IRX2: variants seen among roughly 807,000 people sequenced by gnomAD.
IRX2 encodes iroquois homeobox 2.
Under a neutral mutation model 42.9 loss-of-function variants are expected in IRX2, and 26 were observed. That is an observed-to-expected ratio of 0.61 (90% CI 0.44 to 0.84). The LOEUF (loss-of-function observed/expected upper bound fraction) is 0.84. Ranked by LOEUF, IRX2 falls within the 40% of genes least tolerant of loss-of-function variation. IRX2 has a pLI of 0.00. For missense variants in IRX2, 782 were observed against 713.9 expected (o/e 1.10, Z -1.09); for synonymous variants, 424 against 353.9 (o/e 1.20, Z -2.22).
chr5:2,739,895 C>T, the IRX2 span, among the ~76,000 whole-genome samples: 11 of 152,242 alleles, frequency 7.2e-5, no homozygotes, highest in South Asian at 1.2e-3. Flanking sequence ...GGTCCCGCTG[C>T]GGCTTCAGGC....
chr5:2,744,090 G>C (rs1018378402), downstream of IRX2, among the ~76,000 whole-genome samples: 1 of 150,354 alleles, frequency 6.7e-6, no homozygotes, highest in Non-Finnish European at 1.5e-5. Flanking sequence ...GTGTGTGTGT[G>C]TGTGTGTGTG....
intron 1 of IRX2, among the ~76,000 whole-genome samples, chr5:2,750,897 C>G (rs987204056): frequency 3.3e-5 from 5 of 152,146 alleles, no homozygotes; most frequent in African/African-American, 4.8e-5. Flanking sequence ...CCCAGGCTCT[C>G]AGAGAAAATC....
chr5:2,748,317 C>T, intron 3 of IRX2, 28 bp downstream of exon 3: 14 of 1,379,706 alleles, frequency 1.0e-5, no homozygotes, highest in Admixed American at 3.9e-5. Context: ...CCTCCCCTCC[C>T]GGGCGCCGCC....
In IRX2 at chr5:2,749,673, T is replaced by A; in HGVS notation, c.364A>T (p.Thr122Ser). Reference sequence around the variant, plus strand: ...TTGAGAGTGGCCGTGGCGTCCCGCGTGGCGTTCTTGCGGTACGCGGGGTCG... The same window carrying A: ...TTGAGAGTGGCCGTGGCGTCCCGCGAGGCGTTCTTGCGGTACGCGGGGTCG... ...LNDPAYRKNA[T>S]RDATATLKAW... The change falls in exon 2 of 4, where the codon ACG becomes TCG. Residue 122 changes from threonine to serine, a missense_variant. Physicochemically the swap from Thr to Ser is moderately conservative, Grantham distance 58 (BLOSUM62 1). Coordinates refer to ENST00000302057, the MANE Select transcript of IRX2 (RefSeq NM_033267.5). 6.2e-7 allele frequency: 1 copy of A among 1,614,196 alleles called. No homozygotes were observed. The highest frequency in any genetic ancestry group is 8.5e-7 in the Non-Finnish European group (1 of 1,180,034).
At chr5:2,737,178 C>T in the IRX2 span, 5 of 152,266 alleles carry the variant, frequency 3.3e-5, no homozygotes, top group Non-Finnish European at 5.9e-5. Flanking sequence ...CGAGAGGCCT[C>T]AGGTGTGGCT....
At position 2,746,749 on chromosome 5, in the gene IRX2, T is replaced by TTTC. The variant is rs1389323181; in HGVS notation, c.*814_*815insGAA. On this transcript the variant is annotated 3_prime_UTR_variant, in exon 4 of 4. Coordinates refer to ENST00000302057, the MANE Select transcript of IRX2 (RefSeq NM_033267.5). Reference sequence around the variant, plus strand: ...GAAGAGAGAATGGCCTGCTGACTTTTTTTTTTTTTTTTTTTTCAAAGCAAT... The same window carrying TTTC: ...GAAGAGAGAATGGCCTGCTGACTTTTTTCTTTTTTTTTTTTTTTTCAAAGCAAT... The TTTC allele has an allele frequency of 2.7e-5, 4 of 149,564 alleles. No individual in the cohort carries two copies. In the Admixed American group the frequency reaches 2.7e-4, roughly 10 times the overall value. 9.3% of individuals were successfully genotyped at this position (149,564 alleles called of 1,614,324 possible). A position where few individuals can be genotyped will look rare whatever the true frequency, so the allele number is the denominator to read the frequency against.
At chr5:2,736,960 C>T in the IRX2 span, 2 of 152,214 alleles carry the variant, frequency 1.3e-5, no homozygotes, top group East Asian at 3.8e-4. Context: ...AGCTGATTTA[C>T]AAGTGGTCAG....
chr5:2,739,088 C>G, the IRX2 span, among the ~76,000 whole-genome samples: 1 of 152,226 alleles, frequency 6.6e-6, no homozygotes, highest in Admixed American at 6.5e-5. Context: ...CTGGTGGCGC[C>G]GAGAGCTTCG....
intron 1 of IRX2, among the ~76,000 whole-genome samples, chr5:2,750,897 CAGAGAA>C (rs1444537195): frequency 1.1e-4 from 17 of 152,144 alleles, no homozygotes; most frequent in Non-Finnish European, 2.2e-4. Context: ...CCCAGGCTCT[CAGAGAA>C]AATCAGCCGG....
At chr5:2,740,459 C>T in the IRX2 span, among the ~76,000 whole-genome samples, 1 of 152,194 alleles carries the variant, frequency 6.6e-6, no homozygotes, top group African/African-American at 2.4e-5. Context: ...AGACACTCAG[C>T]GGCAGCGCCG....
chr5:2,751,181 C>CCGGCGGCGG lies in IRX2; in HGVS notation c.224_232dup (p.Ala75_Ala77dup), dbSNP rs751032410. 3 of 1,266,554 alleles carry CCGGCGGCGG rather than the reference C, an allele frequency of 2.4e-6. No homozygotes were observed. Among genetic ancestry groups the CCGGCGGCGG allele is most frequent in the South Asian group, 5.0e-5 (2 of 40,008 alleles). The allele number at this position is 1,266,554 out of a possible 1,614,324, so 78.5% of individuals were successfully genotyped here. On this transcript the variant is annotated inframe_insertion, in exon 1 of 4. Coordinates refer to ENST00000302057, the MANE Select transcript of IRX2 (RefSeq NM_033267.5). The surrounding 1 kb of genome is among the most constrained non-coding windows in gnomAD (Gnocchi z 4.0). ...CCCGGTTACCATGTAGGACGGGAAG[C>CCGGCGGCGG]CGGCGGCGGCGGCGGCGGCGTCGGC...
At position 2,749,010 on chromosome 5, in the gene IRX2, G is replaced by A. The variant is rs1183301386; in HGVS notation, c.698C>T (p.Ser233Leu). The A allele has an allele frequency of 6.3e-6, 10 of 1,597,198 alleles. No individual in the cohort carries two copies. The highest frequency in any genetic ancestry group is 1.6e-4 in the Middle Eastern group (1 of 6,074). Reference protein sequence around the residue: ...HVDSLTDHSCSAESDGEKLPC... With the variant: ...HVDSLTDHSCLAESDGEKLPC... Reference sequence around the variant, plus strand: ...AAGCTTCTCCCCGTCCGACTCGGCCGAGCACGAGTGATCCGTGAGCGAGTC... The same window carrying A: ...AAGCTTCTCCCCGTCCGACTCGGCCAAGCACGAGTGATCCGTGAGCGAGTC... The change falls in exon 3 of 4, where the codon TCG (serine) becomes TTG (leucine). Residue 233 changes from serine to leucine, a missense_variant. Coordinates refer to ENST00000302057, the MANE Select transcript of IRX2 (RefSeq NM_033267.5).
chr5:2,750,102 C>T (rs1028157403), intron 1 of IRX2, among the ~76,000 whole-genome samples: 2 of 152,152 alleles, frequency 1.3e-5, no homozygotes, highest in African/African-American at 4.8e-5. Context: ...GCACACAGGC[C>T]CACAGGTAGC....
downstream of IRX2, chr5:2,745,966 A>G (rs990046214): frequency 6.7e-6 from 1 of 150,010 alleles, no homozygotes; most frequent in African/African-American, 2.4e-5. Context: ...TATAGAAATC[A>G]TCTACAGCAC....
In IRX2 at chr5:2,748,984, G is replaced by A; in HGVS notation, c.724C>T (p.Pro242Ser). 1 of 1,597,444 alleles carries A rather than the reference G, an allele frequency of 6.3e-7. No homozygotes were observed. The highest frequency in any genetic ancestry group is 8.5e-7 in the Non-Finnish European group (1 of 1,179,480). Residue 242 changes from proline (P) to serine (S), a missense_variant, in exon 3 of 4, where the codon CCG becomes TCG. Pro to Ser is a moderately conservative substitution (Grantham distance 74, BLOSUM62 -1). Coordinates refer to ENST00000302057, the MANE Select transcript of IRX2 (RefSeq NM_033267.5). Reference protein sequence around the residue: ...CSAESDGEKLPCRAGDPLCES... With the variant: ...CSAESDGEKLSCRAGDPLCES... ...CACAGGGGGTCCCCGGCGCGGCACG[G>A]AAGCTTCTCCCCGTCCGACTCGGCC...
At chr5:2,744,058 C>G (rs559273426), downstream of IRX2, among the ~76,000 whole-genome samples, 43 of 149,890 alleles carry the variant, frequency 2.9e-4, 1 homozygote, top group South Asian at 9.2e-3. Flanking sequence ...TGCATGTCCT[C>G]CCAGAGAATG....
At position 2,747,128 on chromosome 5, in the gene IRX2, T is replaced by C. The variant is rs1228191923; in HGVS notation, c.*436A>G. 1 of 152,188 alleles carries C rather than the reference T, an allele frequency of 6.6e-6. No individual in the cohort carries two copies. The highest frequency in any genetic ancestry group is 1.5e-5 in the Non-Finnish European group (1 of 68,062). The allele number at this position is 152,188 out of a possible 1,614,324, so 9.4% of individuals were successfully genotyped here. ...GGTAGCCCAAGCTCATCAAAGCATG[T>C]GTCTATTATGTGTCTAGCATAGTAA... On this transcript the variant is annotated 3_prime_UTR_variant, in exon 4 of 4. Transcript: ENST00000302057.
chr5:2,749,258 G>C, intron 2 of IRX2, 124 bp downstream of exon 2: 1 of 1,450,040 alleles, frequency 6.9e-7, no homozygotes, highest in Non-Finnish European at 9.1e-7. Flanking sequence ...AGGGCAATGT[G>C]GTGCGGCTGG....
the IRX2 span, chr5:2,737,013 C>T: frequency 6.6e-6 from 1 of 152,186 alleles, no homozygotes; most frequent in African/African-American, 2.4e-5. Context: ...TGTCCTGGTC[C>T]CCACTGCGGC....
Sources: allele counts gnomAD v4.1 joint callset (sites outside exome capture counted in the v4.1 genomes callset), GRCh38; gene constraint gnomAD v4.1.1; non-coding constraint Gnocchi (gnomAD v3.1); transcripts MANE v1.5; gene names NCBI Gene and HGNC (gene_info 2026-07-23, HGNC 2026-07-21).